Variants in BMPER observed in about 807,000 individuals in gnomAD.
BMPER encodes BMP binding endothelial regulator.
BMPER carries 45 observed loss-of-function variants against 87.3 expected under a neutral mutation model. The observed-to-expected ratio is 0.52, with a 90% CI of 0.41 to 0.66. The LOEUF is 0.66. BMPER is among the 30% of genes least tolerant of loss of function. The pLI, the probability that BMPER is intolerant of heterozygous loss-of-function variation, is 0.00. For missense variants in BMPER, 784 were observed against 867.5 expected, an observed-to-expected ratio of 0.90 and a Z score of 1.21; for synonymous variants, 326 against 316.2, an observed-to-expected ratio of 1.03 and a Z score of -0.33.
At chr7:34,129,630 G>GAGAAAGAAAGAAAGAAAGAA (rs10527738) in intron 13 of BMPER, among the ~76,000 whole-genome samples, 6,320 of 56,112 alleles carry the variant, frequency 0.11, 697 homozygotes, top group Middle Eastern at 0.17. Context: ...GAGAGAAAGA[G>GAGAAAGAAAGAAAGAAAGAA]AGAAAGAAAG....
At chr7:34,053,996 C>T (rs1474927073) in intron 8 of BMPER, among the ~76,000 whole-genome samples, 1 of 152,170 alleles carries the variant, frequency 6.6e-6, no homozygotes, top group East Asian at 1.9e-4. Flanking sequence ...GCTTCTTCAT[C>T]CACAACAGCC....
Position 34,134,515 on chromosome 7 carries a change from C to G in BMPER, c.1746-8715C>G, listed in dbSNP as rs751623833. Among the ~76,000 whole-genome samples, 160 of 152,222 alleles carry G rather than the reference C, an allele frequency of 1.1e-3. 2 individuals are homozygous for G. In the Middle Eastern group the frequency reaches 0.02, roughly 19 times the overall value. Reference sequence around the variant, plus strand: ...AGAAGAGTGACAATTCAGCAAAAGTCTGTTAATCATGGTCAGTTTTTCCCT... The same window carrying G: ...AGAAGAGTGACAATTCAGCAAAAGTGTGTTAATCATGGTCAGTTTTTCCCT... On this transcript the variant is annotated intron_variant, in intron 13 of 14. Transcript: ENST00000649409.
In BMPER at chr7:34,050,636, A is replaced by G. The variant is rs577894338; in HGVS notation, c.677-1225A>G. On this transcript the variant is annotated intron_variant, in intron 7 of 14. Coordinates refer to ENST00000649409, the MANE Select transcript of BMPER (RefSeq NM_001365308.1). ...TGCTATTAATCTTTTACAAGAAGAA[A>G]GAGTGGTACGAATAGAAATTTGATC... 2.6e-5 allele frequency among the ~76,000 whole-genome samples: 4 copies of G among 152,342 alleles called. No homozygotes were observed. In the East Asian group the frequency reaches 7.7e-4, roughly 29 times the overall value.
At chr7:33,989,891 G>C (rs1482494192) in intron 6 of BMPER, among the ~76,000 whole-genome samples, 2 of 152,120 alleles carry the variant, frequency 1.3e-5, no homozygotes, top group Non-Finnish European at 2.9e-5. Flanking sequence ...CCCATTGCTT[G>C]TTTTTCTCAG....
chr7:34,147,905 A>G (rs190544750), intron 14 of BMPER, among the ~76,000 whole-genome samples: 15 of 152,282 alleles, frequency 9.9e-5, no homozygotes, highest in Non-Finnish European at 1.5e-5. Context: ...CAGAGGGTAA[A>G]TGAGGGCTCA....
chr7:34,147,983 C>T (rs1186323299), intron 14 of BMPER, among the ~76,000 whole-genome samples: 3 of 152,128 alleles, frequency 2.0e-5, no homozygotes, highest in Admixed American at 1.3e-4. Context: ...GGTGATGTCA[C>T]TCCACAGCTT....
intron 6 of BMPER, among the ~76,000 whole-genome samples, chr7:34,038,201 G>A (rs1027495805): frequency 2.6e-5 from 4 of 152,148 alleles, no homozygotes; most frequent in African/African-American, 9.7e-5. Context: ...CTTTGGGTGG[G>A]CTGCCCACTT....
At chr7:33,937,506 GA>G in intron 3 of BMPER, 118 bp downstream of exon 3, 4 of 965,910 alleles carry the variant, frequency 4.1e-6, no homozygotes, top group Non-Finnish European at 6.5e-6. Flanking sequence ...GTGGGGAGGA[GA>G]AGTAGGGTGT....
chr7:34,080,652 G>A (rs1283520348), intron 12 of BMPER, among the ~76,000 whole-genome samples: 2 of 152,192 alleles, frequency 1.3e-5, no homozygotes, highest in African/African-American at 4.8e-5. Flanking sequence ...CCTGTAAAAT[G>A]TGCGTAAGAT....
At position 34,127,191 on chromosome 7, in the gene BMPER, T is replaced by C. The variant is rs78994875; in HGVS notation, c.1746-16039T>C. 4.8e-3 allele frequency among the ~76,000 whole-genome samples: 732 copies of C among 152,188 alleles called. 5 individuals are homozygous for C. The highest frequency in any genetic ancestry group is 0.016 in the African/African-American group (653 of 41,512). The stretch of plus-strand genomic sequence containing the variant: ...CCCGTTGGTGGGCTTTTGGCTGAAG[T>C]TGGATGCATGTCAGTAGGGATGTCC... On this transcript the variant is annotated intron_variant, in intron 13 of 14. Coordinates refer to ENST00000649409, the MANE Select transcript of BMPER (RefSeq NM_001365308.1).
chr7:34,114,467 G>A (rs1200232271), intron 13 of BMPER, among the ~76,000 whole-genome samples: 2 of 152,204 alleles, frequency 1.3e-5, no homozygotes, highest in Non-Finnish European at 2.9e-5. Flanking sequence ...TCGTTCAAAA[G>A]TATTTACTAA....
At chr7:33,925,982 C>T (rs1784348692) in intron 2 of BMPER, among the ~76,000 whole-genome samples, 1 of 152,190 alleles carries the variant, frequency 6.6e-6, no homozygotes, top group South Asian at 2.1e-4. Flanking sequence ...CTGACGATTC[C>T]TGCCTCGCGT....
chr7:34,140,539 G>A (rs1790837544), intron 13 of BMPER, among the ~76,000 whole-genome samples: 2 of 152,154 alleles, frequency 1.3e-5, no homozygotes, highest in African/African-American at 4.8e-5. Context: ...TTTACAGAAC[G>A]GCATATCATT....
chr7:34,077,490 A>T (rs1220001133), intron 11 of BMPER, among the ~76,000 whole-genome samples: 1 of 152,166 alleles, frequency 6.6e-6, no homozygotes, highest in African/African-American at 2.4e-5. Flanking sequence ...TGCCTTTTAT[A>T]TATTCTTTCA....
intron 13 of BMPER, 39 bp from the exon 14 acceptor site, chr7:34,143,191 T>C: frequency 6.2e-7 from 1 of 1,612,718 alleles, no homozygotes; most frequent in South Asian, 1.1e-5. Context: ...TATGGTTTGA[T>C]ATTTTTAAAT....
At chr7:34,052,598 G>A (rs1788175570) in intron 8 of BMPER, among the ~76,000 whole-genome samples, 1 of 152,174 alleles carries the variant, frequency 6.6e-6, no homozygotes, top group South Asian at 2.1e-4. Context: ...TTATCAGGGA[G>A]GACTTTAGGA....
chr7:34,148,482 C>T (rs1306259101), intron 14 of BMPER, among the ~76,000 whole-genome samples: 2 of 152,188 alleles, frequency 1.3e-5, no homozygotes, highest in African/African-American at 4.8e-5. Context: ...TATCTGATCA[C>T]ATTTTATTCC....
chr7:34,117,837 G>A (rs17169654), intron 13 of BMPER, among the ~76,000 whole-genome samples: 3,501 of 152,244 alleles, frequency 0.023, 121 homozygotes, highest in African/African-American at 0.078. Flanking sequence ...TGTAATAAGC[G>A]CAGGCCATCC....
At chr7:34,049,888 A>G (rs775423325) in intron 7 of BMPER, among the ~76,000 whole-genome samples, 1 of 152,190 alleles carries the variant, frequency 6.6e-6, no homozygotes, top group Non-Finnish European at 1.5e-5. Context: ...TCATTTTTAT[A>G]GTAAATACAA....
Sources: gnomAD v4.1 joint callset for allele counts (sites outside exome capture counted in the v4.1 genomes callset) on GRCh38, gnomAD v4.1.1 for gene constraint, MANE v1.5 for transcripts, NCBI Gene and HGNC (gene_info 2026-07-23, HGNC 2026-07-21) for gene names.